Variants in CDC42SE2 observed in about 807,000 individuals in gnomAD.
The protein encoded by CDC42SE2 is CDC42 small effector 2, also known as CDC42 small effector protein 2.
A neutral mutation model predicts 11.5 loss-of-function variants in CDC42SE2; 3 were observed. The ratio of observed to expected loss-of-function variants is 0.26; its 90% CI spans 0.12 to 0.67. The LOEUF is 0.67. Among genes scored for constraint, CDC42SE2 ranks in the 30% least tolerant of loss-of-function variants. CDC42SE2 has a pLI of 0.80. For missense variants in CDC42SE2, 82 were observed against 106.8 expected (o/e 0.77, Z 1.02); for synonymous variants, 33 against 34.8 (o/e 0.95, Z 0.18).
chr5:131,216,782 T>C, the CDC42SE2 span, among the ~76,000 whole-genome samples: 1 of 152,128 alleles, frequency 6.6e-6, no homozygotes. Flanking sequence ...TCCAGTCAAC[T>C]CCTTCAAGAA....
chr5:131,322,304 C>G lies in CDC42SE2; in HGVS notation c.-286+6160C>G, dbSNP rs548493320. Among the ~76,000 whole-genome samples the G allele has an allele frequency of 1.9e-3, 292 of 152,208 alleles. 1 individual carries two copies. Among genetic ancestry groups the G allele is most frequent in the Non-Finnish European group, 3.4e-3 (229 of 68,006 alleles). On this transcript the variant is annotated intron_variant, in intron 2 of 4. Coordinates refer to ENST00000505065, the MANE Select transcript of CDC42SE2 (RefSeq NM_001375635.1). The stretch of plus-strand genomic sequence containing the variant: ...ACTTTGCAAAACTGAAACTCTGTAC[C>G]CATTAGATAACAAATTTTCATTTCT...
At chr5:131,224,590 T>C in the CDC42SE2 span, among the ~76,000 whole-genome samples, 1 of 151,992 alleles carries the variant, frequency 6.6e-6, no homozygotes, top group Non-Finnish European at 1.5e-5. Flanking sequence ...AATAACCTCC[T>C]CCCTATCTCT....
intron 2 of CDC42SE2, among the ~76,000 whole-genome samples, chr5:131,258,907 T>C (rs1228898401): frequency 6.6e-6 from 1 of 152,112 alleles, no homozygotes; most frequent in Non-Finnish European, 1.5e-5. Context: ...CTCGGTATGC[T>C]ACCTGGCAAA....
At chr5:131,233,767 T>G in the CDC42SE2 span, among the ~76,000 whole-genome samples, 1 of 152,266 alleles carries the variant, frequency 6.6e-6, no homozygotes, top group Non-Finnish European at 1.5e-5. Flanking sequence ...TCAAAGGGCA[T>G]GTATGTTTTA....
chr5:131,214,650 A>G, the CDC42SE2 span, among the ~76,000 whole-genome samples: 48,376 of 152,056 alleles, frequency 0.32, 12,202 homozygotes, highest in African/African-American at 0.71. Context: ...AGATTGGAGG[A>G]AGTAGTTGAA....
chr5:131,315,510 G>C (rs1404109237), intron 1 of CDC42SE2, among the ~76,000 whole-genome samples: 1 of 152,166 alleles, frequency 6.6e-6, no homozygotes, highest in African/African-American at 2.4e-5. Context: ...CTTCTGTGGA[G>C]AACTGCAGAG....
intron 1 of CDC42SE2, among the ~76,000 whole-genome samples, chr5:131,309,672 T>TGG (rs1432011363): frequency 6.6e-6 from 1 of 151,908 alleles, no homozygotes; most frequent in Non-Finnish European, 1.5e-5. Context: ...GGTTTAGTCT[T>TGG]GGGAGAGTGT....
rs1021815952 is a variant in CDC42SE2 at position 131,316,509 on chromosome 5, GGAGT to G, written c.-286+368_-286+371del. Among the ~76,000 whole-genome samples the G allele has an allele frequency of 6.6e-5, 10 of 152,280 alleles. No individual in the cohort carries two copies. The South Asian group carries it at 2.1e-3, about 32-fold the overall frequency. ...GTTGTGGTAGGTCTCATTCTCTTTG[GGAGT>G]GATTGTTTTAGGAATGGACATGAGA... On this transcript the variant is annotated intron_variant, in intron 2 of 4. Coordinates refer to ENST00000505065, the MANE Select transcript of CDC42SE2 (RefSeq NM_001375635.1).
rs1750764833 is a variant in CDC42SE2, at chr5:131,393,919, C to T, written c.*2828C>T. Reference sequence around the variant, plus strand: ...AAGTGGACTTGTCAGCCTATAACTACTCTGCAGCTGCCACTAACTCTACAG... The same window carrying T: ...AAGTGGACTTGTCAGCCTATAACTATTCTGCAGCTGCCACTAACTCTACAG... On this transcript the variant is annotated 3_prime_UTR_variant, in exon 5 of 5. Transcript: ENST00000505065. The T allele has an allele frequency of 7.1e-6, 1 of 141,330 alleles. No individual in the cohort carries two copies. Among genetic ancestry groups the T allele is most frequent in the African/African-American group, 2.7e-5 (1 of 37,062 alleles). The allele number at this position is 141,330 out of a possible 1,614,324, so 8.8% of individuals were successfully genotyped here. A position where few individuals can be genotyped will look rare whatever the true frequency, so the allele number is the denominator to read the frequency against.
intron 1 of CDC42SE2, among the ~76,000 whole-genome samples, chr5:131,296,708 T>TG (rs1212129556): frequency 6.6e-6 from 1 of 152,094 alleles, no homozygotes; most frequent in Non-Finnish European, 1.5e-5. Flanking sequence ...TCAGAGGTAC[T>TG]GGGGGGGTTA....
chr5:131,263,278 A>AGAATG (rs764279429), upstream of CDC42SE2, among the ~76,000 whole-genome samples: 6 of 152,140 alleles, frequency 3.9e-5, no homozygotes, highest in Non-Finnish European at 8.8e-5. Context: ...CCATCAACCT[A>AGAATG]GAATGGGGAA....
At chr5:131,338,190 C>A (rs913627781) in intron 2 of CDC42SE2, among the ~76,000 whole-genome samples, 5 of 152,200 alleles carry the variant, frequency 3.3e-5, no homozygotes, top group African/African-American at 9.6e-5. Flanking sequence ...AAGACAACCA[C>A]AGTTATTTTT....
the CDC42SE2 span, among the ~76,000 whole-genome samples, chr5:131,230,678 AGAG>A: frequency 1.3e-5 from 2 of 152,240 alleles, no homozygotes; most frequent in African/African-American, 4.8e-5. Flanking sequence ...CTCCAGTGAT[AGAG>A]AAGAGAAAAT....
At chr5:131,336,571 A>C (rs548435277) in intron 2 of CDC42SE2, among the ~76,000 whole-genome samples, 2 of 152,296 alleles carry the variant, frequency 1.3e-5, no homozygotes, top group African/African-American at 4.8e-5. Flanking sequence ...AGTGTTTTCC[A>C]ACTTGGTTCC....
intron 1 of CDC42SE2, among the ~76,000 whole-genome samples, chr5:131,277,645 C>T (rs961466931): frequency 3.3e-5 from 5 of 152,178 alleles, no homozygotes; most frequent in African/African-American, 1.2e-4. Context: ...ACATGCCATT[C>T]TTGGCCTTGG....
intron 4 of CDC42SE2, among the ~76,000 whole-genome samples, chr5:131,386,294 G>A (rs375813301): frequency 6.6e-6 from 1 of 152,226 alleles, no homozygotes; most frequent in African/African-American, 2.4e-5. Context: ...GAGCTCAGGC[G>A]GTGATGCTCA....
intron 1 of CDC42SE2, among the ~76,000 whole-genome samples, chr5:131,310,061 C>T (rs1410127657): frequency 6.6e-6 from 1 of 151,982 alleles, no homozygotes; most frequent in Non-Finnish European, 1.5e-5. Context: ...TTGGATCTTT[C>T]CTGCTTTCTG....
intron 1 of CDC42SE2, among the ~76,000 whole-genome samples, chr5:131,251,738 G>A (rs1165548981): frequency 1.3e-5 from 2 of 152,180 alleles, no homozygotes; most frequent in Non-Finnish European, 2.9e-5. Flanking sequence ...CAGGGGCTGG[G>A]TATGGTGGCT....
chr5:131,227,611 TC>T, the CDC42SE2 span, among the ~76,000 whole-genome samples: 1 of 152,282 alleles, frequency 6.6e-6, no homozygotes, highest in Non-Finnish European at 1.5e-5. Flanking sequence ...CATTTAATCA[TC>T]CTTTGGCAAC....
Sources: gnomAD v4.1 joint callset for allele counts (sites outside exome capture counted in the v4.1 genomes callset) on GRCh38, gnomAD v4.1.1 for gene constraint, MANE v1.5 for transcripts, NCBI Gene and HGNC (gene_info 2026-07-23, HGNC 2026-07-21) for gene names.